Variants in SLC3A2 observed in about 807,000 individuals in gnomAD.
SLC3A2 encodes amino acid transporter heavy chain SLC3A2.
In SLC3A2, 32 loss-of-function variants were observed where a neutral mutation model predicts 48.5. That is an observed-to-expected ratio of 0.66 (90% confidence interval 0.50 to 0.89). SLC3A2 has a LOEUF of 0.89. Ranked by LOEUF, SLC3A2 falls within the 40% of genes least tolerant of loss-of-function variation. The pLI, the probability that SLC3A2 is intolerant of heterozygous loss-of-function variation, is 0.00. For missense variants in SLC3A2, 587 were observed against 680.7 expected (o/e 0.86, Z 1.53); for synonymous variants, 277 against 288.8 (o/e 0.96, Z 0.41).
chr11:62,881,405 G>A lies in SLC3A2; in HGVS notation c.382G>A (p.Asp128Asn), dbSNP rs1299634013. The change falls in exon 1 of 9, where the codon GAC becomes AAC. Residue 128 changes from aspartate (D) to asparagine (N), a missense_variant. Around this residue, in one of 3 missense-constraint regions of SLC3A2, gnomAD observed 409 missense variants for 446.7 expected, o/e 0.92. Coordinates refer to ENST00000338663, the MANE Select transcript of SLC3A2 (RefSeq NM_001013251.3). The surrounding 1 kb of genome is among the most constrained non-coding windows in gnomAD (Gnocchi z 4.0). ...CACGGGCGCCCTCTACCGCATCGGC[G>A]ACCTTCAGGCCTTCCAGGGCCACGG... ...WHTGALYRIG[D>N]LQAFQGHGAG... 2.5e-6 allele frequency: 4 copies of A among 1,594,966 alleles called. No homozygotes were observed. Among genetic ancestry groups the A allele is most frequent in the Admixed American group, 1.7e-5 (1 of 59,604 alleles).
chr11:62,871,439 C>T (rs1308308339), intron 1 of SLC3A2: 1 of 330,752 alleles, frequency 3.0e-6, no homozygotes, highest in Non-Finnish European at 5.3e-6. Flanking sequence ...GGAGTTTTGC[C>T]TCATTGGCCA....
intron 1 of SLC3A2, among the ~76,000 whole-genome samples, chr11:62,865,796 A>G (rs1195965070): frequency 1.3e-5 from 2 of 152,072 alleles, no homozygotes; most frequent in Non-Finnish European, 2.9e-5. Context: ...TACCCCTGCA[A>G]CATTGACAGT....
intron 1 of SLC3A2, among the ~76,000 whole-genome samples, chr11:62,868,365 C>CTTT (rs1184700101): frequency 5.3e-5 from 7 of 132,698 alleles, no homozygotes; most frequent in Non-Finnish European, 8.2e-5. Context: ...TATTTTCATT[C>CTTT]TTTTTTTTTT....
intron 1 of SLC3A2, among the ~76,000 whole-genome samples, chr11:62,856,687 G>A (rs1434136596): frequency 6.6e-6 from 1 of 152,212 alleles, no homozygotes; most frequent in Non-Finnish European, 1.5e-5. Flanking sequence ...CTCCGGCGGT[G>A]CTGCCTGCTG....
chr11:62,881,342 C>G lies in SLC3A2; in HGVS notation c.319C>G (p.Pro107Ala), dbSNP rs1391749106. The G allele has an allele frequency of 6.3e-7, 1 of 1,590,486 alleles. No homozygotes were observed. The highest frequency in any genetic ancestry group is 8.5e-7 in the Non-Finnish European group (1 of 1,172,970). Residue 107 changes from proline (P) to alanine (A), a missense_variant, in exon 1 of 9, where the codon CCG (proline) becomes GCG (alanine). By Grantham distance (27) the Pro-to-Ala change is conservative. Transcript: ENST00000338663. The surrounding 1 kb of genome is among the most constrained non-coding windows in gnomAD (Gnocchi z 4.0). ...AGAVVIIVRA[P>A]RCRELPAQKW... ...TGCCGTGGTCATAATCGTGCGAGCG[C>G]CGCGTTGTCGCGAGCTACCGGCGCA...
At chr11:62,872,881 CG>C (rs1220181611) in intron 1 of SLC3A2, among the ~76,000 whole-genome samples, 1 of 152,184 alleles carries the variant, frequency 6.6e-6, no homozygotes, top group Non-Finnish European at 1.5e-5. Flanking sequence ...GGATTACAGG[CG>C]TGAGCCACTG....
At chr11:62,858,818 G>T (rs1022939643) in intron 1 of SLC3A2, among the ~76,000 whole-genome samples, 1 of 152,176 alleles carries the variant, frequency 6.6e-6, no homozygotes, top group African/African-American at 2.4e-5. Flanking sequence ...AGGATTAAGT[G>T]CTGTGCTTTT....
At chr11:62,861,475 G>A (rs949473809) in intron 1 of SLC3A2, among the ~76,000 whole-genome samples, 2 of 151,748 alleles carry the variant, frequency 1.3e-5, no homozygotes, top group African/African-American at 4.8e-5. Context: ...TGCCCAGGCT[G>A]GTCTCAAACT....
In SLC3A2 at chr11:62,883,142, G is replaced by A. The variant is rs578139669; in HGVS notation, c.690+143G>A. ...CCAAGGAGGAATGCCTCCTCCTATA[G>A]CCAAAGGATAGGCCAATAGCACACC... On this transcript the variant is annotated intron_variant, in intron 3 of 8. Coordinates refer to ENST00000338663, the MANE Select transcript of SLC3A2 (RefSeq NM_001013251.3). The A allele has an allele frequency of 1.0e-5, 7 of 696,618 alleles. No homozygotes were observed. The East Asian group carries it at 1.9e-4, about 19-fold the overall frequency. 43.2% of individuals were successfully genotyped at this position (696,618 alleles called of 1,614,324 possible).
Position 62,866,880 on chromosome 11 carries a change from C to T in SLC3A2, c.112+10499C>T, listed in dbSNP as rs193020632. Among the ~76,000 whole-genome samples the T allele has an allele frequency of 2.2e-3, 335 of 152,312 alleles. 2 individuals are homozygous for T. Among genetic ancestry groups the T allele is most frequent in the Non-Finnish European group, 4.1e-3 (279 of 68,028 alleles). On this transcript the variant is annotated intron_variant, in intron 1 of 9. Coordinates refer to the SLC3A2 transcript ENST00000377889. ...CATTACCTCCATGAATGCTGTGGTTCTACCTTTTGGGGCAGATGTCAGTTA... is the reference window on the plus strand; with the variant it reads ...CATTACCTCCATGAATGCTGTGGTTTTACCTTTTGGGGCAGATGTCAGTTA...
intron 3 of SLC3A2, 124 bp from the exon 4 acceptor site, chr11:62,884,333 A>C: frequency 2.0e-6 from 2 of 998,044 alleles, no homozygotes; most frequent in Non-Finnish European, 1.6e-6. Flanking sequence ...AGACCCAGGC[A>C]AGGCACAGGA....
rs780885127 is a variant in SLC3A2 at position 62,881,252 on chromosome 11, T to G, written c.229T>G (p.Trp77Gly). The change falls in exon 1 of 9, where the codon TGG (tryptophan) becomes GGG (glycine). Residue 77 changes from tryptophan to glycine, a missense_variant. Trp to Gly is a radical substitution (Grantham distance 184). Transcript: ENST00000338663. The surrounding 1 kb of genome is among the most constrained non-coding windows in gnomAD (Gnocchi z 4.0). ...GCTGAAGGTGGCAGGCAGCCCCGGC[T>G]GGGTACGCACCCGCTGGGCACTGCT... is the stretch of plus-strand genomic sequence containing the variant. Reference protein sequence around the residue: ...ELLKVAGSPGWVRTRWALLLL... With the variant: ...ELLKVAGSPGGVRTRWALLLL... The G allele has an allele frequency of 7.6e-6, 12 of 1,585,052 alleles. No individual in the cohort carries two copies. In the African/African-American group the frequency reaches 1.6e-4, roughly 21 times the overall value.
At chr11:62,866,757 C>T (rs1296177770) in intron 1 of SLC3A2, among the ~76,000 whole-genome samples, 1 of 152,144 alleles carries the variant, frequency 6.6e-6, no homozygotes, top group African/African-American at 2.4e-5. Flanking sequence ...CTCATCAGTT[C>T]TGTACTTGAG....
chr11:62,882,008 C>T lies in SLC3A2; in HGVS notation c.540C>T (p.Asp180=), dbSNP rs1368161561. The part of the protein sequence containing the change: ...DVAQTDLLQI[D]PNFGSKEDFD... ...CTCAGACTGACTTGCTGCAGATCGA[C>T]CCCAATTTTGGCTCCAAGGAAGATT... The change falls in exon 2 of 9, where the codon GAC becomes GAT. Residue 180 remains aspartate (D), a synonymous_variant. Transcript: ENST00000338663. 6.2e-7 allele frequency: 1 copy of T among 1,614,080 alleles called. No individual in the cohort carries two copies. The highest frequency in any genetic ancestry group is 2.2e-5 in the East Asian group (1 of 44,890).
At position 62,881,933 on chromosome 11, in the gene SLC3A2, G is replaced by A. The variant is rs1353877863; in HGVS notation, c.465G>A (p.Val155=). The A allele has an allele frequency of 2.5e-6, 4 of 1,614,164 alleles. No individual in the cohort carries two copies. In the South Asian group the frequency reaches 4.4e-5, roughly 18 times the overall value. The change falls in exon 2 of 9, where the codon GTG becomes GTA. Residue 155 remains valine, a synonymous_variant. Transcript: ENST00000338663. This position sits in a 1 kb window ranked among gnomAD's most constrained non-coding sequence, Gnocchi z 4.0. Reference sequence around the variant, plus strand: ...TCGATTACCTGAGCTCTCTGAAGGTGAAGGGCCTTGTGCTGGGTCCAATTC... The same window carrying A: ...TCGATTACCTGAGCTCTCTGAAGGTAAAGGGCCTTGTGCTGGGTCCAATTC... ...GRLDYLSSLK[V]KGLVLGPIHK... is the part of the protein sequence containing the mutation.
chr11:62,888,072 C>T (rs1463469996), intron 7 of SLC3A2, 63 bp from the exon 8 acceptor site: 9 of 1,444,488 alleles, frequency 6.2e-6, no homozygotes, highest in African/African-American at 1.4e-5. Context: ...GCTGGAATTA[C>T]AGATGTGAGC....
Position 62,888,733 on chromosome 11 carries a change from TC to T in SLC3A2, c.*43del, listed in dbSNP as rs566207967. ...GGACCCACTACCCTTCTCCTTTCCTTCCCAGGCCCTTTGGCTTCTGATTTTT... is the reference window on the plus strand; with the variant it reads ...GGACCCACTACCCTTCTCCTTTCCTTCCAGGCCCTTTGGCTTCTGATTTTT... On this transcript the variant is annotated 3_prime_UTR_variant, in exon 9 of 9. Transcript: ENST00000338663. The T allele has an allele frequency of 5.1e-4, 764 of 1,502,768 alleles. 3 individuals are homozygous for T. In the African/African-American group the frequency reaches 9.6e-3, roughly 19 times the overall value. 93.1% of individuals were successfully genotyped at this position (1,502,768 alleles called of 1,614,324 possible). A position where few individuals can be genotyped will look rare whatever the true frequency, so the allele number is the denominator to read the frequency against.
At chr11:62,888,252 G>A (rs780318503) in intron 8 of SLC3A2, 34 bp downstream of exon 8, 1 of 1,611,542 alleles carries the variant, frequency 6.2e-7, no homozygotes, top group Non-Finnish European at 8.5e-7. Context: ...ACTGACCGGT[G>A]GAGGGTGGGC....
chr11:62,884,835 TTTTTTTTTTTTTTG>T (rs1409759308), intron 5 of SLC3A2, 145 bp downstream of exon 5: 1 of 612,790 alleles, frequency 1.6e-6, no homozygotes, highest in African/African-American at 2.3e-5. Flanking sequence ...TTTTTTTTTT[TTTTTTTTTTTTTTG>T]AGATGGAGTT....
Sources: gnomAD v4.1 joint callset for allele counts (sites outside exome capture counted in the v4.1 genomes callset) on GRCh38, gnomAD v4.1.1 for gene constraint, gnomAD v4.1.1 regional missense constraint, Gnocchi (gnomAD v3.1) non-coding constraint, MANE v1.5 for transcripts, NCBI Gene and HGNC (gene_info 2026-07-23, HGNC 2026-07-21) for gene names.